The following EPB41L3 variants were observed in gnomAD, a reference collection of about 807,000 sequenced individuals.
EPB41L3 encodes the protein band 4.1-like protein 3.
A neutral mutation model predicts 127.1 loss-of-function variants in EPB41L3; 57 were observed. That is an observed-to-expected ratio of 0.45 (90% CI 0.36 to 0.56). The LOEUF (loss-of-function observed/expected upper bound fraction) is 0.56, where lower values mean the gene tolerates loss of function less well. Among genes scored for constraint, EPB41L3 ranks in the 20% least tolerant of loss-of-function variants. The pLI is 0.00. For missense variants in EPB41L3, 1,273 were observed against 1,372.2 expected (o/e 0.93, Z 1.14); for synonymous variants, 572 against 549.5 (o/e 1.04, Z -0.57).
intron 1 of EPB41L3, among the ~76,000 whole-genome samples, chr18:5,502,053 C>A (rs1052378880): frequency 9.2e-5 from 14 of 152,146 alleles, no homozygotes. Flanking sequence ...TGCCTCCTGC[C>A]TCCTGCCTCC....
At chr18:5,499,148 C>T (rs2091490064) in intron 1 of EPB41L3, among the ~76,000 whole-genome samples, 1 of 152,188 alleles carries the variant, frequency 6.6e-6, no homozygotes, top group South Asian at 2.1e-4. Context: ...CTCCCTCCTG[C>T]TCTCTACATG....
At chr18:5,396,062 T>C in intron 19 of EPB41L3, 139 bp downstream of exon 19, 1 of 1,044,278 alleles carries the variant, frequency 9.6e-7, no homozygotes, top group Non-Finnish European at 1.4e-6. Context: ...CATTATTGCA[T>C]CACTTTTAAT....
intron 2 of EPB41L3, among the ~76,000 whole-genome samples, chr18:5,487,182 C>T (rs866721703): frequency 1.3e-5 from 2 of 152,004 alleles, no homozygotes; most frequent in East Asian, 1.9e-4. Context: ...TGCACCAACA[C>T]GGATGGAACT....
At chr18:5,451,163 C>A (rs772187989) in intron 3 of EPB41L3, among the ~76,000 whole-genome samples, 1 of 152,178 alleles carries the variant, frequency 6.6e-6, no homozygotes, top group Non-Finnish European at 1.5e-5. Flanking sequence ...CCCAGTGACA[C>A]AGTTTAATTA....
intron 6 of EPB41L3, among the ~76,000 whole-genome samples, chr18:5,436,655 G>A (rs558813822): frequency 1.3e-5 from 2 of 152,088 alleles, no homozygotes; most frequent in South Asian, 4.2e-4. Context: ...TGATCCACCT[G>A]CCTCGGCCTC....
rs772193278 is a variant in EPB41L3 at position 5,397,349 on chromosome 18, C to T, written c.2550G>A (p.Lys850=). 8 of 1,614,062 alleles carry T rather than the reference C, an allele frequency of 5.0e-6. No individual in the cohort carries two copies. Among genetic ancestry groups the T allele is most frequent in the Non-Finnish European group, 6.8e-6 (8 of 1,180,040 alleles). ...CCACCAACACGGTCTCCTGCACCAC[C>T]TTCTCAGTGCTAAGCGGCAGGTGGT... ...TVHHLPLSTE[K]VVQETVLVEE... The change falls in exon 18 of 23, where the codon AAG becomes AAA. Residue 850 remains lysine (K), a synonymous_variant. Coordinates refer to ENST00000341928, the MANE Select transcript of EPB41L3 (RefSeq NM_012307.5). The surrounding 1 kb of genome is among the most constrained non-coding windows in gnomAD (Gnocchi z 4.1).
At chr18:5,587,944 T>TA in intron 3 of EPB41L3, among the ~76,000 whole-genome samples, 3 of 152,282 alleles carry the variant, frequency 2.0e-5, no homozygotes, top group Middle Eastern at 6.8e-3. Context: ...AGATAATACC[T>TA]AACCTCAACT....
At chr18:5,432,940 T>C (rs2079195248) in intron 8 of EPB41L3, among the ~76,000 whole-genome samples, 2 of 152,364 alleles carry the variant, frequency 1.3e-5, no homozygotes, top group Non-Finnish European at 1.5e-5. Flanking sequence ...CTGCCTGGTA[T>C]GTATGAAGGT....
chr18:5,547,796 C>T (rs997649086), upstream of EPB41L3, among the ~76,000 whole-genome samples: 3 of 152,268 alleles, frequency 2.0e-5, no homozygotes, highest in South Asian at 6.2e-4. Flanking sequence ...TATTCTGCTA[C>T]CTGAACAGCA....
chr18:5,484,272 TA>T lies in EPB41L3; in HGVS notation c.183+4728del, dbSNP rs112251771. The stretch of plus-strand genomic sequence containing the variant: ...CGAGTCAGTGAAGAAACTAAGAAGT[TA>T]AAAAAAAAATTATCAAAACACAAGT... On this transcript the variant is annotated intron_variant, in intron 2 of 22. Transcript: ENST00000341928. Among the ~76,000 whole-genome samples the T allele has an allele frequency of 2.5e-3, 369 of 146,358 alleles. 2 individuals are homozygous for T. Among genetic ancestry groups the T allele is most frequent in the African/African-American group, 8.2e-3 (330 of 40,028 alleles).
chr18:5,509,844 A>G (rs2092424669), intron 1 of EPB41L3, among the ~76,000 whole-genome samples: 1 of 152,200 alleles, frequency 6.6e-6, no homozygotes, highest in African/African-American at 2.4e-5. Context: ...ACTACTTTTG[A>G]TCTTTACCAC....
chr18:5,443,637 G>C (rs1568200749), intron 5 of EPB41L3, among the ~76,000 whole-genome samples: 3 of 152,336 alleles, frequency 2.0e-5, no homozygotes, highest in Non-Finnish European at 2.9e-5. Context: ...TTCACAGGCA[G>C]AGAAACAGGC....
intron 3 of EPB41L3, among the ~76,000 whole-genome samples, chr18:5,590,744 A>G (rs1026718200): frequency 2.6e-5 from 4 of 152,260 alleles, no homozygotes; most frequent in African/African-American, 7.2e-5. Flanking sequence ...CATAATTGAT[A>G]CATGCAACAA....
chr18:5,597,443 A>G (rs1413298351), intron 3 of EPB41L3, among the ~76,000 whole-genome samples: 1 of 152,174 alleles, frequency 6.6e-6, no homozygotes, highest in Non-Finnish European at 1.5e-5. Flanking sequence ...CTGAGGTTTT[A>G]CAATGTATTT....
intron 3 of EPB41L3, among the ~76,000 whole-genome samples, chr18:5,606,445 A>G (rs1599271201): frequency 6.6e-6 from 1 of 152,228 alleles, no homozygotes; most frequent in South Asian, 2.1e-4. Context: ...CATAGATAAT[A>G]TTAAAAGGCA....
Position 5,423,511 on chromosome 18 carries a change from C to T in EPB41L3, c.1206G>A (p.Leu402=), listed in dbSNP as rs1598751064. ...TGCCACTATAACGAAACTTGGAACC[C>T]AAGGTTAGGAATTTCTTGGGAGGTG... The part of the protein sequence containing the change: ...PEAPPKKFLT[L]GSKFRYSGRT... Residue 402 remains leucine, a synonymous_variant, in exon 11 of 23, where the codon TTG becomes TTA. Coordinates refer to ENST00000341928, the MANE Select transcript of EPB41L3 (RefSeq NM_012307.5). The T allele has an allele frequency of 1.2e-6, 2 of 1,613,128 alleles. No individual in the cohort carries two copies. The highest frequency in any genetic ancestry group is 4.5e-5 in the East Asian group (2 of 44,850).
chr18:5,508,055 G>C (rs1230796064), intron 1 of EPB41L3: 1 of 152,164 alleles, frequency 6.6e-6, no homozygotes, highest in Admixed American at 6.5e-5. Flanking sequence ...TAAGGGACAA[G>C]GAGTTCAGAC....
At position 5,393,418 on chromosome 18, in the gene EPB41L3, T is replaced by C. The variant is rs979626814; in HGVS notation, c.*67A>G. 12 of 697,370 alleles carry C rather than the reference T, an allele frequency of 1.7e-5. 1 individual carries two copies. In the Middle Eastern group the frequency reaches 1.1e-3, roughly 67 times the overall value. 43.2% of individuals were successfully genotyped at this position (697,370 alleles called of 1,614,324 possible). A position where few individuals can be genotyped will look rare whatever the true frequency, so the allele number is the denominator to read the frequency against. On this transcript the variant is annotated 3_prime_UTR_variant, in exon 23 of 23. Coordinates refer to ENST00000341928, the MANE Select transcript of EPB41L3 (RefSeq NM_012307.5). ...AGTTGGGTTAGAAGAGGGAACTCCA[T>C]ATAGGCTCTGGTTTTCCTAACGGTT...
intron 1 of EPB41L3, among the ~76,000 whole-genome samples, chr18:5,628,348 G>A (rs2094946159): frequency 6.6e-6 from 1 of 152,306 alleles, no homozygotes; most frequent in African/African-American, 2.4e-5. Flanking sequence ...TTAATCCATC[G>A]CACTTCAGAG....
Sources: gnomAD v4.1 joint callset for allele counts (sites outside exome capture counted in the v4.1 genomes callset) on GRCh38, gnomAD v4.1.1 for gene constraint, Gnocchi (gnomAD v3.1) non-coding constraint, MANE v1.5 for transcripts, NCBI Gene and HGNC (gene_info 2026-07-23, HGNC 2026-07-21) for gene names.